The following TRMT1L variants were observed in gnomAD, a reference collection of about 807,000 sequenced individuals.
TRMT1L encodes tRNA methyltransferase 1L.
Under a neutral mutation model 81.6 loss-of-function variants are expected in TRMT1L, and 28 were observed. The ratio of observed to expected loss-of-function variants is 0.34; its 90% confidence interval spans 0.25 to 0.47. The LOEUF (loss-of-function observed/expected upper bound fraction) is 0.47. Ranked by LOEUF, TRMT1L falls within the 20% of genes least tolerant of loss-of-function variation. The probability of loss-of-function intolerance (pLI) is 1.00; values close to 1 mark genes in which losing one functional copy is unlikely to be tolerated. For missense variants in TRMT1L, 739 were observed against 877.1 expected (o/e 0.84, Z 1.99); for synonymous variants, 301 against 303.2 (o/e 0.99, Z 0.07).
intron 10 of TRMT1L, among the ~76,000 whole-genome samples, chr1:185,129,777 C>T (rs1343282183): frequency 6.6e-6 from 1 of 152,160 alleles, no homozygotes; most frequent in Admixed American, 6.5e-5. Flanking sequence ...TTCACTGCTC[C>T]TAGGTCTACT....
intron 4 of TRMT1L, among the ~76,000 whole-genome samples, chr1:185,145,911 A>G (rs1266157619): frequency 6.6e-6 from 1 of 151,930 alleles, no homozygotes; most frequent in African/African-American, 2.4e-5. Context: ...TAAAGCCCTG[A>G]TTTGTAGTAT....
upstream of TRMT1L, chr1:185,157,018 T>G (rs1232176276): frequency 2.7e-6 from 1 of 376,946 alleles, no homozygotes; most frequent in Non-Finnish European, 4.8e-6. Flanking sequence ...GAGGGTTCGG[T>G]TTCTACGGTG....
rs756389802 is a variant in TRMT1L at position 185,137,395 on chromosome 1, G to A, written c.1513+211C>T. 14 of 663,534 alleles carry A rather than the reference G, an allele frequency of 2.1e-5. No individual in the cohort carries two copies. In the East Asian group the frequency reaches 3.4e-4, roughly 16 times the overall value. The allele number at this position is 663,534 out of a possible 1,614,324, so 41.1% of individuals were successfully genotyped here. On this transcript the variant is annotated intron_variant, in intron 10 of 14. Coordinates refer to ENST00000367506, the MANE Select transcript of TRMT1L (RefSeq NM_030934.5). ...GATGTTTCGATAGAAGGCAGAGCTA[G>A]AAAGCATATATTGTACAGCATGAGT...
intron 3 of TRMT1L, among the ~76,000 whole-genome samples, chr1:185,149,146 A>C (rs1263152185): frequency 1.3e-5 from 2 of 152,112 alleles, no homozygotes; most frequent in South Asian, 2.1e-4. Flanking sequence ...TATATATCTA[A>C]TATACTCATT....
chr1:185,148,056 C>T (rs1239472125), intron 3 of TRMT1L, among the ~76,000 whole-genome samples: 1 of 152,086 alleles, frequency 6.6e-6, no homozygotes, highest in Non-Finnish European at 1.5e-5. Flanking sequence ...ACCTTAGATT[C>T]GATCATTTCT....
Position 185,120,000 on chromosome 1 carries a change from A to C in TRMT1L, c.*19T>G. On this transcript the variant is annotated 3_prime_UTR_variant, in exon 15 of 15. Coordinates refer to ENST00000367506, the MANE Select transcript of TRMT1L (RefSeq NM_030934.5). ...TAGGCCATCTATACAGACACCTGAG[A>C]ACCAATTCTTCTCTACGTTTACCAT... The C allele has an allele frequency of 1.2e-6, 2 of 1,611,708 alleles. No individual in the cohort carries two copies. Among genetic ancestry groups the C allele is most frequent in the Non-Finnish European group, 1.7e-6 (2 of 1,179,126 alleles).
At chr1:185,152,018 A>C (rs1446779013) in intron 1 of TRMT1L, 83 bp from the exon 2 acceptor site, 2 of 794,228 alleles carry the variant, frequency 2.5e-6, no homozygotes, top group Non-Finnish European at 3.9e-6. Context: ...ATAGAAGTTT[A>C]TTTCCTATAA....
chr1:185,156,066 A>G (rs1196739620), intron 1 of TRMT1L, among the ~76,000 whole-genome samples: 2 of 152,214 alleles, frequency 1.3e-5, no homozygotes, highest in African/African-American at 4.8e-5. Context: ...GGCAGCTAGG[A>G]TCTACTACCG....
chr1:185,135,399 G>A (rs1475514713), intron 10 of TRMT1L, among the ~76,000 whole-genome samples: 4 of 141,410 alleles, frequency 2.8e-5, no homozygotes, highest in African/African-American at 7.9e-5. Flanking sequence ...CTGGGTGACA[G>A]AATGAGACTC....
At chr1:185,124,899 T>C (rs774382822) in intron 12 of TRMT1L, 45 bp downstream of exon 12, 2 of 1,533,066 alleles carry the variant, frequency 1.3e-6, no homozygotes, top group South Asian at 1.3e-5. Context: ...TACAGTATTT[T>C]TGGTAAGCAG....
intron 11 of TRMT1L, among the ~76,000 whole-genome samples, chr1:185,127,759 C>CAAAAA (rs986438990): frequency 1.6e-4 from 6 of 36,418 alleles, no homozygotes; most frequent in Non-Finnish European, 3.0e-4. Flanking sequence ...AACTCTGTCT[C>CAAAAA]AAAAAAAAAA....
Position 185,120,374 on chromosome 1 carries a change from G to T in TRMT1L, c.1949+9C>A. On this transcript the variant is annotated intron_variant, in intron 14 of 14. Transcript: ENST00000367506. ...ATATATATACTTTGTCATTCACTGG[G>T]TGTCTTACTTTGGCATATTCATTCC... The T allele has an allele frequency of 6.5e-7, 1 of 1,539,038 alleles. No homozygotes were observed. Among genetic ancestry groups the T allele is most frequent in the African/African-American group, 1.4e-5 (1 of 71,926 alleles).
At chr1:185,156,452 G>A (rs1301151398) in intron 1 of TRMT1L, 26 bp downstream of exon 1, 1 of 1,613,768 alleles carries the variant, frequency 6.2e-7, no homozygotes, top group Admixed American at 1.7e-5. Context: ...TTCTGCAGCA[G>A]AAAGATCTGG....
intron 2 of TRMT1L, among the ~76,000 whole-genome samples, chr1:185,150,845 C>T (rs1653324789): frequency 1.3e-5 from 2 of 152,182 alleles, no homozygotes; most frequent in South Asian, 2.1e-4. Context: ...ACAGCAGTTA[C>T]ACTCCCAAAA....
chr1:185,156,758 C>A lies in TRMT1L; in HGVS notation c.-46G>T. The A allele has an allele frequency of 6.2e-7, 1 of 1,607,964 alleles. No homozygotes were observed. The highest frequency in any genetic ancestry group is 8.5e-7 in the Non-Finnish European group (1 of 1,177,836). On this transcript the variant is annotated 5_prime_UTR_variant, in exon 1 of 15. Transcript: ENST00000367506. ...GCCCGCCCGGGGACCCGGAGCGGGG[C>A]TCACGGCGGGGTCAGAGAACTGACG...
In TRMT1L at chr1:185,143,395, C is replaced by T. The variant is rs747654577; in HGVS notation, c.821G>A (p.Arg274Gln). The T allele has an allele frequency of 9.3e-6, 15 of 1,611,256 alleles. No individual in the cohort carries two copies. Among genetic ancestry groups the T allele is most frequent in the East Asian group, 2.2e-5 (1 of 44,652 alleles). ...AGCATCTAGACATTCCAAAGGTTTTCGTTCCTCAGCCAAAGCAGCCAATGT... is the reference window on the plus strand; with the variant it reads ...AGCATCTAGACATTCCAAAGGTTTTTGTTCCTCAGCCAAAGCAGCCAATGT... ...FCTLAALAEERKPLECLDAFG... is the reference protein window; with the variant it reads ...FCTLAALAEEQKPLECLDAFG... Residue 274 changes from arginine (R) to glutamine (Q), a missense_variant, in exon 7 of 15, where the codon CGA (arginine) becomes CAA (glutamine). Arg to Gln is a conservative substitution (Grantham distance 43). Around this residue, in one of 4 missense-constraint regions of TRMT1L, gnomAD observed 331 missense variants for 462.2 expected, o/e 0.72. Coordinates refer to ENST00000367506, the MANE Select transcript of TRMT1L (RefSeq NM_030934.5).
chr1:185,146,118 A>G (rs1653181118), intron 4 of TRMT1L, among the ~76,000 whole-genome samples: 1 of 152,036 alleles, frequency 6.6e-6, no homozygotes, highest in Non-Finnish European at 1.5e-5. Flanking sequence ...ATATTAAAAT[A>G]CAGGAGAACA....
Position 185,120,062 on chromosome 1 carries a change from G to A in TRMT1L, c.2159C>T (p.Ser720Leu). Residue 720 changes from serine to leucine, a missense_variant, in exon 15 of 15, where the codon TCA becomes TTA. Ser to Leu is a moderately radical substitution (Grantham distance 145, BLOSUM62 -2). Coordinates refer to ENST00000367506, the MANE Select transcript of TRMT1L (RefSeq NM_030934.5). The part of the protein sequence containing the change: ...EDTVTERVEM[S>L]VNDKAEASGC... ...ACTTGCTTCTGCTTTGTCATTCACTGACATTTCAACTCTTTCAGTTACTGT... is the reference window on the plus strand; with the variant it reads ...ACTTGCTTCTGCTTTGTCATTCACTAACATTTCAACTCTTTCAGTTACTGT... 6.2e-7 allele frequency: 1 copy of A among 1,613,886 alleles called. No individual in the cohort carries two copies. Among genetic ancestry groups the A allele is most frequent in the South Asian group, 1.1e-5 (1 of 91,072 alleles).
At chr1:185,156,351 C>T (rs766843694) in intron 1 of TRMT1L, 127 bp downstream of exon 1, 138 of 1,603,378 alleles carry the variant, frequency 8.6e-5, no homozygotes, top group Non-Finnish European at 1.1e-4. Flanking sequence ...CCCCTCTTTC[C>T]TCCCCACCAT....
Sources: gnomAD v4.1 joint callset for allele counts (sites outside exome capture counted in the v4.1 genomes callset) on GRCh38, gnomAD v4.1.1 for gene constraint, gnomAD v4.1.1 regional missense constraint, MANE v1.5 for transcripts, NCBI Gene and HGNC (gene_info 2026-07-23, HGNC 2026-07-21) for gene names.